The following ZBTB20 variants were observed in gnomAD, a reference collection of about 807,000 sequenced individuals.
ZBTB20 encodes the protein zinc finger and BTB domain-containing protein 20.
Under a neutral mutation model 56.9 loss-of-function variants are expected in ZBTB20, and 9 were observed. That is an observed-to-expected ratio of 0.16 (90% CI 0.10 to 0.28). The LOEUF is 0.28. ZBTB20 is among the 10% of genes least tolerant of loss of function. ZBTB20 has a pLI of 1.00. For synonymous variants in ZBTB20, 417 were observed against 420.7 expected, an observed-to-expected ratio of 0.99 and a Z score of 0.11; for missense variants, 655 against 1,003.0, an observed-to-expected ratio of 0.65 and a Z score of 4.69.
intron 1 of ZBTB20, among the ~76,000 whole-genome samples, chr3:115,114,256 G>A (rs7635600): frequency 5.8e-4 from 89 of 152,220 alleles, no homozygotes; most frequent in African/African-American, 2.1e-3. Context: ...ACAGTCATCT[G>A]AAAATACAGT....
chr3:114,561,733 T>G (rs72952575), intron 6 of ZBTB20, among the ~76,000 whole-genome samples: 2,502 of 152,072 alleles, frequency 0.016, 77 homozygotes, highest in African/African-American at 0.056. Context: ...GCCCTAGGAT[T>G]TTCTAAATGG....
At chr3:115,141,169 T>C (rs1446318475) in intron 1 of ZBTB20, among the ~76,000 whole-genome samples, 7 of 152,122 alleles carry the variant, frequency 4.6e-5, no homozygotes, top group Non-Finnish European at 1.0e-4. Context: ...GAAAAAAACA[T>C]TGCCCTGTCA....
At chr3:114,900,512 TACACACACACACACAC>T (rs58242135) in intron 3 of ZBTB20, 170 bp from the exon 4 acceptor site, 1 of 145,640 alleles carries the variant, frequency 6.9e-6, no homozygotes, top group Admixed American at 6.9e-5. Context: ...TGAAAATATA[TACACACACACACACAC>T]ACACACACAC....
At chr3:115,075,743 C>A (rs909368693) in intron 1 of ZBTB20, among the ~76,000 whole-genome samples, 1 of 152,088 alleles carries the variant, frequency 6.6e-6, no homozygotes, top group African/African-American at 2.4e-5. Context: ...TCACTCTCGG[C>A]ACTTCTATTC....
chr3:115,139,598 T>C (rs1486608668), intron 1 of ZBTB20, among the ~76,000 whole-genome samples: 1 of 152,048 alleles, frequency 6.6e-6, no homozygotes, highest in Non-Finnish European at 1.5e-5. Context: ...TGCATGGAGG[T>C]GGTTCCTGAT....
rs2079484977 is a variant in ZBTB20, at chr3:114,337,117, T to A, written c.*1888A>T. On this transcript the variant is annotated 3_prime_UTR_variant, in exon 12 of 12. Transcript: ENST00000675478. ...TGTTGGCATCTGGGAATTTTTTTGTTAATTTCCCTAAAACCTTTCGAAGAA... is the reference window on the plus strand; with the variant it reads ...TGTTGGCATCTGGGAATTTTTTTGTAAATTTCCCTAAAACCTTTCGAAGAA... 1 of 152,236 alleles carries A rather than the reference T, an allele frequency of 6.6e-6. No homozygotes were observed. The allele number at this position is 152,236 out of a possible 1,614,324, so 9.4% of individuals were successfully genotyped here. A position where few individuals can be genotyped will look rare whatever the true frequency, so the allele number is the denominator to read the frequency against.
intron 3 of ZBTB20, among the ~76,000 whole-genome samples, chr3:114,931,808 A>G (rs2076371530): frequency 6.6e-6 from 1 of 152,144 alleles, no homozygotes; most frequent in Non-Finnish European, 1.5e-5. Context: ...ATTTGTAATA[A>G]AAGTTTACAA....
intron 6 of ZBTB20, among the ~76,000 whole-genome samples, chr3:114,584,283 A>G (rs1018205034): frequency 6.6e-5 from 10 of 152,192 alleles, no homozygotes; most frequent in African/African-American, 2.2e-4. Flanking sequence ...GCTCCCACAG[A>G]AAAGATTTTT....
chr3:114,336,258 T>C lies in ZBTB20; in HGVS notation c.*2747A>G, dbSNP rs1024558027. The C allele has an allele frequency of 6.6e-6, 1 of 152,250 alleles. No homozygotes were observed. The highest frequency in any genetic ancestry group is 2.4e-5 in the African/African-American group (1 of 41,470). 9.4% of individuals were successfully genotyped at this position (152,250 alleles called of 1,614,324 possible). ...TTCATTTTATGGGTGGAATCACTTG[T>C]TTTCCAAAATATCAAAACAATTCCA... On this transcript the variant is annotated 3_prime_UTR_variant, in exon 12 of 12. Coordinates refer to ENST00000675478, the MANE Select transcript of ZBTB20 (RefSeq NM_001348800.3).
At chr3:115,058,692 C>T (rs954389336) in intron 2 of ZBTB20, among the ~76,000 whole-genome samples, 1 of 152,158 alleles carries the variant, frequency 6.6e-6, no homozygotes, top group African/African-American at 2.4e-5. Flanking sequence ...TGTGCCACTG[C>T]ACTCCAGCCT....
rs1207539978 is a variant in ZBTB20 at position 114,316,006 on chromosome 3, T to C, written c.*22999A>G. The C allele has an allele frequency of 6.1e-6, 1 of 163,830 alleles. No homozygotes were observed. The highest frequency in any genetic ancestry group is 2.4e-5 in the African/African-American group (1 of 41,354). 10.1% of individuals were successfully genotyped at this position (163,830 alleles called of 1,614,324 possible). On this transcript the variant is annotated 3_prime_UTR_variant, in exon 12 of 12. Coordinates refer to ENST00000675478, the MANE Select transcript of ZBTB20 (RefSeq NM_001348800.3). Reference sequence around the variant, plus strand: ...GTTTTTATTTCAAACATTAAGAGAGTACTGATTTTCACATGGTAGTTCTGA... The same window carrying C: ...GTTTTTATTTCAAACATTAAGAGAGCACTGATTTTCACATGGTAGTTCTGA...
intron 1 of ZBTB20, among the ~76,000 whole-genome samples, chr3:115,113,527 G>A (rs759864822): frequency 5.9e-5 from 9 of 152,228 alleles, no homozygotes; most frequent in Non-Finnish European, 1.2e-4. Flanking sequence ...CAGAAGTCTT[G>A]GTATCTAGGC....
At chr3:114,912,057 A>G (rs2107712831) in intron 3 of ZBTB20, among the ~76,000 whole-genome samples, 1 of 151,744 alleles carries the variant, frequency 6.6e-6, no homozygotes, top group East Asian at 1.9e-4. Context: ...CATCCAAAAG[A>G]CAATCAGTAG....
intron 1 of ZBTB20, among the ~76,000 whole-genome samples, chr3:115,111,212 C>A (rs1467940502): frequency 6.6e-6 from 1 of 151,992 alleles, no homozygotes; most frequent in Non-Finnish European, 1.5e-5. Flanking sequence ...CCCAACATCA[C>A]TTAAACCTAT....
rs1357380499 is a variant in ZBTB20 at position 114,942,153 on chromosome 3, CG to C, written c.-456+32212del. ...TTAGTCACAGTTTAATAAATAATTT[CG>C]TTATAGCCTCCTAGTCTATCAGTAT... On this transcript the variant is annotated intron_variant, in intron 3 of 11. Transcript: ENST00000675478. 9.6e-5 allele frequency among the ~76,000 whole-genome samples: 14 copies of C among 145,726 alleles called. 4 individuals carry two copies. The highest frequency in any genetic ancestry group is 3.4e-4 in the African/African-American group (12 of 35,720).
chr3:114,364,320 G>A (rs981125320), intron 10 of ZBTB20, among the ~76,000 whole-genome samples: 2 of 152,074 alleles, frequency 1.3e-5, no homozygotes, highest in East Asian at 1.9e-4. Context: ...GCATGGTGGC[G>A]CATGCCTATA....
At chr3:115,030,031 C>A (rs562850141) in intron 2 of ZBTB20, among the ~76,000 whole-genome samples, 1 of 150,940 alleles carries the variant, frequency 6.6e-6, no homozygotes, top group South Asian at 2.1e-4. Flanking sequence ...AAAACAATGT[C>A]CTATGAAAAA....
intron 2 of ZBTB20, among the ~76,000 whole-genome samples, chr3:115,028,477 T>C (rs563264538): frequency 6.6e-6 from 1 of 150,872 alleles, no homozygotes; most frequent in Non-Finnish European, 1.5e-5. Context: ...AATACATTAT[T>C]AAAATTAACT....
intron 7 of ZBTB20, among the ~76,000 whole-genome samples, chr3:114,486,137 TG>T (rs1210938471): frequency 0.069 from 431 of 6,208 alleles, 58 homozygotes; most frequent in African/African-American, 0.14. Context: ...TGTGTGTGTG[TG>T]GGGGGGGGGG....
Sources: gnomAD v4.1 joint callset for allele counts (sites outside exome capture counted in the v4.1 genomes callset) on GRCh38, gnomAD v4.1.1 for gene constraint, MANE v1.5 for transcripts, NCBI Gene and HGNC (gene_info 2026-07-23, HGNC 2026-07-21) for gene names.